RYR3: variants seen among roughly 807,000 people sequenced by gnomAD.
RYR3 encodes ryanodine receptor 3, also known as brain ryanodine receptor-calcium release channel.
Under a neutral mutation model 584.3 loss-of-function variants are expected in RYR3, and 207 were observed. The observed-to-expected ratio is 0.35, with a 90% CI of 0.32 to 0.40. RYR3 has a LOEUF of 0.40. Among genes scored for constraint, RYR3 ranks in the 10% least tolerant of loss-of-function variants. The pLI is 1.00. For missense variants in RYR3, 5,616 were observed against 6,089.2 expected (o/e 0.92, Z 2.59); for synonymous variants, 2,416 against 2,248.5 (o/e 1.07, Z -2.11).
intron 1 of RYR3, among the ~76,000 whole-genome samples, chr15:33,360,251 A>C (rs1974576461): frequency 2.7e-5 from 4 of 149,600 alleles, no homozygotes; most frequent in African/African-American, 4.9e-5. Flanking sequence ...AGTTTCCCCC[A>C]CCCCTCCACA....
At chr15:33,545,880 G>C (rs1016134255) in intron 8 of RYR3, among the ~76,000 whole-genome samples, 2 of 152,164 alleles carry the variant, frequency 1.3e-5, no homozygotes, top group Non-Finnish European at 2.9e-5. Flanking sequence ...AGAGCAGCCA[G>C]GCTATGTGGA....
At chr15:33,735,087 G>T (rs1180553968) in intron 48 of RYR3, among the ~76,000 whole-genome samples, 1 of 152,158 alleles carries the variant, frequency 6.6e-6, no homozygotes, top group Non-Finnish European at 1.5e-5. Context: ...AGCTCTAGAT[G>T]TAGCAGGCAA....
intron 1 of RYR3, among the ~76,000 whole-genome samples, chr15:33,468,287 T>A (rs555914058): frequency 3.3e-5 from 5 of 152,240 alleles, no homozygotes; most frequent in Non-Finnish European, 7.3e-5. Context: ...TGTTATTAAA[T>A]GTACCTAACC....
intron 18 of RYR3, among the ~76,000 whole-genome samples, chr15:33,609,823 G>A (rs965964635): frequency 6.6e-6 from 1 of 152,138 alleles, no homozygotes; most frequent in Non-Finnish European, 1.5e-5. Context: ...AGGAAGAAAA[G>A]ATCCTGGGAC....
intron 42 of RYR3, among the ~76,000 whole-genome samples, chr15:33,706,257 T>A (rs2066708929): frequency 6.6e-6 from 1 of 152,264 alleles, no homozygotes; most frequent in African/African-American, 2.4e-5. Context: ...ACTATCTTGA[T>A]CATTTTTAAC....
Position 33,503,740 on chromosome 15 carries a change from T to A in RYR3, c.279+2T>A. 6.3e-7 allele frequency: 1 copy of A among 1,592,696 alleles called. No homozygotes were observed. Among genetic ancestry groups the A allele is most frequent in the Non-Finnish European group, 8.6e-7 (1 of 1,163,650 alleles). Reference sequence around the variant, plus strand: ...ACAGGTGAAAATGGCGGCGAAGGGGTGAGTACCCGAATTGTGTCCTAGGTT... The same window carrying A: ...ACAGGTGAAAATGGCGGCGAAGGGGAGAGTACCCGAATTGTGTCCTAGGTT... On this transcript the variant is annotated splice_donor_variant, in intron 3 of 103. Coordinates refer to ENST00000634891, the MANE Select transcript of RYR3 (RefSeq NM_001036.6). LOFTEE classifies it high-confidence loss of function.
chr15:33,395,256 G>A (rs773070723), intron 1 of RYR3, among the ~76,000 whole-genome samples: 1 of 152,232 alleles, frequency 6.6e-6, no homozygotes, highest in Non-Finnish European at 1.5e-5. Flanking sequence ...ACATGGGGAC[G>A]TAGCTGGAGC....
chr15:33,788,456 C>A lies in RYR3; in HGVS notation c.9828C>A (p.Asn3276Lys), dbSNP rs771760051. Residue 3276 changes from asparagine to lysine, a missense_variant and splice_region_variant, in exon 67 of 104, where the codon AAC (asparagine) becomes AAA (lysine). By Grantham distance (94) the Asn-to-Lys change is moderately conservative. Around this residue, in one of 9 missense-constraint regions of RYR3, gnomAD observed 954 missense variants for 1,132.2 expected, o/e 0.84. Coordinates refer to ENST00000634891, the MANE Select transcript of RYR3 (RefSeq NM_001036.6). Reference protein sequence around the residue: ...YPMLIRYVDNNRSNWLKSPDA... With the variant: ...YPMLIRYVDNKRSNWLKSPDA... The stretch of plus-strand genomic sequence containing the variant: ...TGCTGATCCGCTACGTGGACAACAA[C>A]AGGTACGGAGGAGAGCACTAGGAGC... 6.2e-7 allele frequency: 1 copy of A among 1,613,640 alleles called. No individual in the cohort carries two copies. Among genetic ancestry groups the A allele is most frequent in the South Asian group, 1.1e-5 (1 of 91,074 alleles).
At chr15:33,339,881 T>TC (rs1314590818) in intron 1 of RYR3, among the ~76,000 whole-genome samples, 1 of 104,946 alleles carries the variant, frequency 9.5e-6, no homozygotes, top group African/African-American at 3.8e-5. Flanking sequence ...AGAGCAAGAC[T>TC]CCGTCTCAAA....
chr15:33,416,837 T>C (rs1208564078), intron 1 of RYR3, among the ~76,000 whole-genome samples: 1 of 152,234 alleles, frequency 6.6e-6, no homozygotes, highest in Non-Finnish European at 1.5e-5. Flanking sequence ...TACATTTAAG[T>C]CTTTAATCCA....
At chr15:33,579,743 A>G (rs897981609) in intron 12 of RYR3, among the ~76,000 whole-genome samples, 6 of 152,290 alleles carry the variant, frequency 3.9e-5, no homozygotes, top group African/African-American at 1.4e-4. Flanking sequence ...AAATGTGCTA[A>G]AAGGAGTCAC....
intron 2 of RYR3, among the ~76,000 whole-genome samples, chr15:33,501,887 C>T (rs549338469): frequency 6.6e-6 from 1 of 152,270 alleles, no homozygotes; most frequent in East Asian, 1.9e-4. Flanking sequence ...TGGGAACAGA[C>T]TTTGAAAACA....
intron 11 of RYR3, 114 bp downstream of exon 11, chr15:33,563,124 C>G (rs2057502429): frequency 2.3e-6 from 2 of 859,596 alleles, no homozygotes; most frequent in Non-Finnish European, 1.8e-6. Flanking sequence ...TCTTACTATT[C>G]AGAAGAGTTA....
chr15:33,357,721 T>C (rs1401560016), intron 1 of RYR3, among the ~76,000 whole-genome samples: 1 of 152,186 alleles, frequency 6.6e-6, no homozygotes, highest in Non-Finnish European at 1.5e-5. Flanking sequence ...TCCACCTTCA[T>C]TTATAAGTAT....
intron 3 of RYR3, among the ~76,000 whole-genome samples, chr15:33,522,666 A>C (rs760475554): frequency 6.6e-6 from 1 of 152,136 alleles, no homozygotes; most frequent in African/African-American, 2.4e-5. Context: ...TAACTATCTG[A>C]TCCAAAAAAG....
In RYR3 at chr15:33,848,401, C is replaced by G. The variant is rs1567313124; in HGVS notation, c.13608C>G (p.Asp4536Glu). 2.5e-6 allele frequency: 4 copies of G among 1,613,054 alleles called. No homozygotes were observed. In the Admixed American group the frequency reaches 5.0e-5, roughly 20 times the overall value. The change falls in exon 94 of 104, where the codon GAC becomes GAG. Residue 4536 changes from aspartate (D) to glutamate (E), a missense_variant. Coordinates refer to ENST00000634891, the MANE Select transcript of RYR3 (RefSeq NM_001036.6). ...PSEDDIKGQW[D>E]RLVINTPSFP... is the part of the protein sequence containing the mutation. The stretch of plus-strand genomic sequence containing the variant: ...AAGATGACATCAAGGGGCAGTGGGA[C>G]CGCTTGGTGATCAACACACCGTGAG...
At position 33,772,155 on chromosome 15, in the gene RYR3, C is replaced by A. The variant is rs200111368; in HGVS notation, c.9052C>A (p.Leu3018Ile). ...TCAGCATCAGTTTGGAATGGATCTA[C>A]TCTGTGAGTTCTACTGGTATTTGTC... ...VTQHQFGMDL[L>I]LGDVQISCYH... is the part of the protein sequence containing the mutation. Residue 3018 changes from leucine (L) to isoleucine (I), a missense_variant, in exon 63 of 104, where the codon CTC becomes ATC. This residue lies in a region of RYR3 where 954 missense variants were observed against 1,132.2 expected (regional missense o/e 0.84). Coordinates refer to ENST00000634891, the MANE Select transcript of RYR3 (RefSeq NM_001036.6). 6.3e-4 allele frequency: 1,005 copies of A among 1,598,592 alleles called. 1 individual carries two copies. Among genetic ancestry groups the A allele is most frequent in the Non-Finnish European group, 7.9e-4 (922 of 1,166,914 alleles).
At chr15:33,351,600 T>A (rs960365180) in intron 1 of RYR3, among the ~76,000 whole-genome samples, 115 of 151,668 alleles carry the variant, frequency 7.6e-4, no homozygotes, top group Admixed American at 3.7e-3. Flanking sequence ...CAAGACTGGT[T>A]CAATATATGC....
rs112253134 is a variant in RYR3, at chr15:33,589,996, A to C, written c.1788+3880A>C. 9.1e-3 allele frequency among the ~76,000 whole-genome samples: 1,389 copies of C among 151,804 alleles called. 22 individuals are homozygous for C. The highest frequency in any genetic ancestry group is 0.032 in the African/African-American group (1,328 of 41,360). On this transcript the variant is annotated intron_variant, in intron 16 of 103. Transcript: ENST00000634891. ...GCAGGTGGGCTAAGTTCGAAAAGAG[A>C]GTCAGTGAAGAGAGATAGGGGTGGG...
Sources: allele counts gnomAD v4.1 joint callset (sites outside exome capture counted in the v4.1 genomes callset), GRCh38; gene constraint gnomAD v4.1.1; regional missense constraint gnomAD v4.1.1; transcripts MANE v1.5; gene names NCBI Gene and HGNC (gene_info 2026-07-23, HGNC 2026-07-21).